Variants in SFMBT1 observed in about 807,000 individuals in gnomAD.
The protein encoded by SFMBT1 is Scm like with four mbt domains 1, also known as scm-like with four MBT domains protein 1.
SFMBT1 carries 32 observed loss-of-function variants against 108.7 expected under a neutral mutation model. That is an observed-to-expected ratio of 0.29 (90% CI 0.22 to 0.40). The LOEUF is 0.40. Ranked by LOEUF, SFMBT1 falls within the 10% of genes least tolerant of loss-of-function variation. The probability of loss-of-function intolerance (pLI) is 1.00; values close to 1 mark genes in which losing one functional copy is unlikely to be tolerated. For synonymous variants in SFMBT1, 348 were observed against 369.5 expected (o/e 0.94, Z 0.67); for missense variants, 816 against 1,059.6 (o/e 0.77, Z 3.19).
chr3:53,011,715 G>A (rs1277023648), intron 1 of SFMBT1, among the ~76,000 whole-genome samples: 1 of 152,194 alleles, frequency 6.6e-6, no homozygotes, highest in African/African-American at 2.4e-5. Context: ...TGGTGCCACT[G>A]AAAATACTGG....
chr3:52,928,405 C>T (rs976788981), intron 8 of SFMBT1, 64 bp from the exon 9 acceptor site: 82 of 1,535,746 alleles, frequency 5.3e-5, no homozygotes, highest in Non-Finnish European at 5.7e-5. Flanking sequence ...TTCTCCTTGG[C>T]ACAGCCAAAC....
intron 1 of SFMBT1, among the ~76,000 whole-genome samples, chr3:53,009,834 A>G (rs1011685733): frequency 3.9e-5 from 6 of 152,260 alleles, no homozygotes; most frequent in Non-Finnish European, 8.8e-5. Flanking sequence ...TAGAAAAATT[A>G]TAAGGAAGAG....
At chr3:52,986,628 C>T (rs980293676) in intron 1 of SFMBT1, among the ~76,000 whole-genome samples, 1 of 151,536 alleles carries the variant, frequency 6.6e-6, no homozygotes, top group African/African-American at 2.4e-5. Context: ...AAAACTTAGT[C>T]GGGCAGGCAT....
chr3:53,043,050 A>C (rs1440569214), intron 1 of SFMBT1: 1 of 152,282 alleles, frequency 6.6e-6, no homozygotes, highest in Non-Finnish European at 1.5e-5. Context: ...AGGCCTTAGA[A>C]CATTCCCAAC....
intron 1 of SFMBT1, among the ~76,000 whole-genome samples, chr3:53,014,418 C>T (rs947768721): frequency 6.6e-6 from 1 of 151,716 alleles, no homozygotes; most frequent in African/African-American, 2.4e-5. Context: ...TACAGTGAGC[C>T]GTGATCACAC....
intron 2 of SFMBT1, among the ~76,000 whole-genome samples, chr3:52,958,313 G>A (rs1450796111): frequency 1.3e-5 from 2 of 152,198 alleles, no homozygotes; most frequent in Admixed American, 1.3e-4. Flanking sequence ...GAAACAGGCT[G>A]GGCAGGGTGG....
At chr3:52,912,425 G>A (rs776450207) in intron 16 of SFMBT1, 113 bp downstream of exon 16, 8 of 754,696 alleles carry the variant, frequency 1.1e-5, no homozygotes, top group Non-Finnish European at 1.3e-5. Context: ...TGATCCGCCC[G>A]CCTCGGCCTC....
rs1431665999 is a variant in SFMBT1, at chr3:52,912,559, C to T, written c.1709G>A (p.Cys570Tyr). ...TCACTTGGCTTTTAGGACTTCCCCA[C>T]ATCCGTGCCACACAGAGTCTTTGTC... ...QLDKDSVWHG[C>Y]GEVLKAKYKG... is the part of the protein sequence containing the mutation. Residue 570 changes from cysteine to tyrosine, a missense_variant, in exon 16 of 21, where the codon TGT (cysteine) becomes TAT (tyrosine). Transcript: ENST00000394752. 6.2e-7 allele frequency: 1 copy of T among 1,614,146 alleles called. No individual in the cohort carries two copies. The highest frequency in any genetic ancestry group is 8.5e-7 in the Non-Finnish European group (1 of 1,179,974).
chr3:52,946,744 A>C (rs924785668), intron 3 of SFMBT1, among the ~76,000 whole-genome samples: 2 of 151,694 alleles, frequency 1.3e-5, no homozygotes, highest in African/African-American at 4.8e-5. Context: ...TTAGTTTCCC[A>C]ATAGCATATG....
chr3:53,031,140 A>G (rs540470006), intron 1 of SFMBT1, among the ~76,000 whole-genome samples: 11 of 152,304 alleles, frequency 7.2e-5, no homozygotes, highest in Non-Finnish European at 1.0e-4. Context: ...ATCATCAGCA[A>G]TCCCACATTA....
intron 1 of SFMBT1, among the ~76,000 whole-genome samples, chr3:53,019,386 T>TGG (rs34706485): frequency 2.5e-4 from 36 of 141,730 alleles, no homozygotes; most frequent in Admixed American, 2.5e-3. Flanking sequence ...TGTGTGTGTG[T>TGG]GGGGGGGGTA....
At chr3:53,006,475 A>G (rs1163704333) in intron 1 of SFMBT1, among the ~76,000 whole-genome samples, 1 of 152,094 alleles carries the variant, frequency 6.6e-6, no homozygotes, top group Admixed American at 6.5e-5. Flanking sequence ...CTAAAAATAG[A>G]AAAATCAGCC....
chr3:52,916,981 A>C (rs975386479), intron 13 of SFMBT1, among the ~76,000 whole-genome samples: 7 of 152,216 alleles, frequency 4.6e-5, no homozygotes, highest in African/African-American at 1.7e-4. Flanking sequence ...TTTAAAAAAA[A>C]ACAGAGGCTT....
chr3:52,914,845 A>C (rs1442677527), intron 14 of SFMBT1, among the ~76,000 whole-genome samples: 1 of 152,192 alleles, frequency 6.6e-6, no homozygotes, highest in African/African-American at 2.4e-5. Context: ...TCTTTTCAGA[A>C]TTAAGGCACT....
intron 14 of SFMBT1, 31 bp from the exon 15 acceptor site, chr3:52,913,648 A>G (rs780199241): frequency 1.9e-6 from 3 of 1,609,612 alleles, no homozygotes; most frequent in African/African-American, 2.7e-5. Flanking sequence ...AATATTCAAA[A>G]CAGTCATTCT....
intron 1 of SFMBT1, among the ~76,000 whole-genome samples, chr3:52,998,678 C>T (rs527370884): frequency 2.7e-5 from 4 of 150,660 alleles, no homozygotes; most frequent in Non-Finnish European, 3.0e-5. Context: ...CACGCTGGTT[C>T]TGCTCCTCGC....
rs55859723 is a variant in SFMBT1, at chr3:52,972,744, A to AACACACACACACAC, written c.-130-3500_-130-3487dup. Among the ~76,000 whole-genome samples, 58 of 95,138 alleles carry AACACACACACACAC rather than the reference A, an allele frequency of 6.1e-4. 1 individual carries two copies. Among genetic ancestry groups the AACACACACACACAC allele is most frequent in the Non-Finnish European group, 9.0e-4 (44 of 49,000 alleles). 62.4% of individuals were successfully genotyped at this position (95,138 alleles called of 152,430 possible). ...ACGTGGTAAAACCCCATCTCTACTA[A>AACACACACACACAC]ACACACACACACACACACACACACA... is the stretch of plus-strand genomic sequence containing the variant. On this transcript the variant is annotated intron_variant, in intron 1 of 20. Coordinates refer to ENST00000394752, the MANE Select transcript of SFMBT1 (RefSeq NM_016329.4).
chr3:52,922,908 G>T (rs1333358037), intron 10 of SFMBT1, among the ~76,000 whole-genome samples: 1 of 152,176 alleles, frequency 6.6e-6, no homozygotes, highest in African/African-American at 2.4e-5. Context: ...CCAGGCAGGG[G>T]ACTAGAAGAT....
intron 1 of SFMBT1, among the ~76,000 whole-genome samples, chr3:53,023,781 C>G (rs1343746031): frequency 1.3e-5 from 2 of 152,180 alleles, no homozygotes; most frequent in Admixed American, 6.5e-5. Context: ...ACAGCCCTTT[C>G]TTTTTGTAAA....
Sources: gnomAD v4.1 joint callset for allele counts (sites outside exome capture counted in the v4.1 genomes callset) on GRCh38, gnomAD v4.1.1 for gene constraint, MANE v1.5 for transcripts, NCBI Gene and HGNC (gene_info 2026-07-23, HGNC 2026-07-21) for gene names.